The following AIFM1 variants were observed in gnomAD, a reference collection of about 807,000 sequenced individuals.
The protein encoded by AIFM1 is apoptosis-inducing factor 1, mitochondrial.
In AIFM1, 3 loss-of-function variants were observed where a neutral mutation model predicts 51.7. The observed-to-expected ratio is 0.06, with a 90% CI of 0.03 to 0.15. The LOEUF (loss-of-function observed/expected upper bound fraction) is 0.15, where lower values mean the gene tolerates loss of function less well. AIFM1 is among the 10% of genes least tolerant of loss of function. AIFM1 has a pLI of 1.00. For missense variants in AIFM1, 330 were observed against 476.8 expected, an observed-to-expected ratio of 0.69 and a Z score of 2.87; for synonymous variants, 178 against 179.4, an observed-to-expected ratio of 0.99 and a Z score of 0.06.
intron 6 of AIFM1, among the ~76,000 whole-genome samples, chrX:130,142,183 TG>T (rs1439287217): frequency 4.5e-5 from 5 of 112,025 alleles, no homozygotes; most frequent in Admixed American, 9.5e-5. Context: ...ACAAATGTGA[TG>T]TAAGTGGTAA....
intron 13 of AIFM1, among the ~76,000 whole-genome samples, chrX:130,132,378 C>T (rs1434553249): frequency 6.2e-5 from 7 of 112,345 alleles, no homozygotes; most frequent in Non-Finnish European, 1.3e-4. Context: ...GTGCTTTTAT[C>T]CCATGCCACA....
intron 6 of AIFM1, among the ~76,000 whole-genome samples, chrX:130,141,347 T>C (rs1354710808): frequency 9.0e-6 from 1 of 111,603 alleles, no homozygotes; most frequent in African/African-American, 3.3e-5. Flanking sequence ...GAGCAAGTCA[T>C]GACAGTCCCA....
At chrX:130,145,666 T>C in intron 5 of AIFM1, 97 bp from the exon 6 acceptor site, 7 of 681,872 alleles carry the variant, frequency 1.0e-5, no homozygotes, top group Non-Finnish European at 1.4e-5. Context: ...TCAGAAACTT[T>C]AAGGGACGTT....
At chrX:130,149,295 C>T (rs1320362702) in intron 3 of AIFM1, among the ~76,000 whole-genome samples, 174 bp downstream of exon 3, 2 of 111,947 alleles carry the variant, frequency 1.8e-5, no homozygotes, top group Non-Finnish European at 3.8e-5. Flanking sequence ...ACCCAAATTT[C>T]AGCCAAATGC....
intron 3 of AIFM1, 90 bp from the exon 4 acceptor site, chrX:130,147,966 T>C: frequency 3.6e-6 from 4 of 1,103,728 alleles, no homozygotes; most frequent in Non-Finnish European, 5.0e-6. Flanking sequence ...TGCACTTGTC[T>C]CAATCCTCCA....
At chrX:130,157,080 T>G (rs1371593192) in intron 1 of AIFM1, among the ~76,000 whole-genome samples, 1 of 111,556 alleles carries the variant, frequency 9.0e-6, no homozygotes, top group Non-Finnish European at 1.9e-5. Flanking sequence ...GCATGAAAGG[T>G]AATGTGTCCT....
intron 2 of AIFM1, among the ~76,000 whole-genome samples, chrX:130,152,336 A>G (rs1451741054): frequency 1.8e-5 from 2 of 110,824 alleles, no homozygotes; most frequent in Non-Finnish European, 3.8e-5. Context: ...GGCAAGAATG[A>G]GGTCGATCTG....
At chrX:130,148,004 C>G in intron 3 of AIFM1, 128 bp from the exon 4 acceptor site, 1 of 852,860 alleles carries the variant, frequency 1.2e-6, no homozygotes, top group Middle Eastern at 2.9e-4. Context: ...ATATGACCTA[C>G]GCTAATCTTA....
chrX:130,155,973 T>C (rs113091660), intron 2 of AIFM1, among the ~76,000 whole-genome samples: 4 of 112,486 alleles, frequency 3.6e-5, no homozygotes, highest in African/African-American at 1.3e-4. Flanking sequence ...TAATTTAGTC[T>C]TTGGGTAAGA....
At position 130,157,343 on chromosome X, in the gene AIFM1, T is replaced by C. The variant is rs764785867; in HGVS notation, c.107-740A>G. ...TGTACATAGAAATATAAGAGTTCTG[T>C]AGATTTCTTTTTCTAGGGAGACGCT... On this transcript the variant is annotated intron_variant, in intron 1 of 15. Transcript: ENST00000287295. Among the ~76,000 whole-genome samples, 195 of 112,343 alleles carry C rather than the reference T, an allele frequency of 1.7e-3. 1 individual carries two copies. Among genetic ancestry groups the C allele is most frequent in the African/African-American group, 6.1e-3 (188 of 30,933 alleles).
At chrX:130,157,067 C>T (rs1300519909) in intron 1 of AIFM1, among the ~76,000 whole-genome samples, 1 of 111,622 alleles carries the variant, frequency 9.0e-6, no homozygotes, top group Non-Finnish European at 1.9e-5. Context: ...ACAGTTCAAT[C>T]TTGCATGAAA....
Position 130,138,688 on chromosome X carries a change from C to T in AIFM1, c.872G>A (p.Arg291Lys), listed in dbSNP as rs1569418090. The T allele has an allele frequency of 8.4e-7, 1 of 1,196,951 alleles. No homozygotes were observed. The change falls in exon 9 of 16, where the codon AGA becomes AAA. Residue 291 changes from arginine to lysine, a missense_variant. Coordinates refer to ENST00000287295, the MANE Select transcript of AIFM1 (RefSeq NM_004208.4). ...TTCCCGTGAAATCTTCTCCAAGCTT[C>T]TAAAGTCTCCAATCTGCAGGATCAC... ...TTLFRKIGDF[R>K]SLEKISREVK...
At chrX:130,159,787 T>C (rs396278) in intron 1 of AIFM1, among the ~76,000 whole-genome samples, 49,354 of 104,077 alleles carry the variant, frequency 0.47, 9,821 homozygotes, top group African/African-American at 0.66. Context: ...TTGTCTCAAT[T>C]TGCCAAAAAA....
chrX:130,140,666 T>G, intron 6 of AIFM1, 49 bp from the exon 7 acceptor site: 1 of 988,024 alleles, frequency 1.0e-6, no homozygotes. Context: ...GAATTAGCAT[T>G]GAAAAAGTTT....
intron 9 of AIFM1, among the ~76,000 whole-genome samples, chrX:130,138,218 C>T (rs2030433792): frequency 8.9e-6 from 1 of 111,967 alleles, no homozygotes; most frequent in African/African-American, 3.2e-5. Flanking sequence ...GTAATCCCAG[C>T]ACTTTGGGAG....
At chrX:130,137,913 T>C (rs1351640023) in intron 9 of AIFM1, 2 of 218,331 alleles carry the variant, frequency 9.2e-6, no homozygotes, top group Non-Finnish European at 1.4e-5. Flanking sequence ...AAATACAAAA[T>C]TAGCCAGGTG....
chrX:130,131,668 T>G lies in AIFM1; in HGVS notation c.1573+7A>C. The G allele has an allele frequency of 8.3e-7, 1 of 1,211,926 alleles. No individual in the cohort carries two copies. Among genetic ancestry groups the G allele is most frequent in the Non-Finnish European group, 1.1e-6 (1 of 895,490 alleles). ...ACTCTCCAAGAGGAGTGCTAGGACT[T>G]TCTTACCTGACTGCTCTGTGGCAGA... On this transcript the variant is annotated splice_region_variant and intron_variant, in intron 14 of 15. Coordinates refer to ENST00000287295, the MANE Select transcript of AIFM1 (RefSeq NM_004208.4).
chrX:130,153,994 T>C (rs1420452842), intron 2 of AIFM1, among the ~76,000 whole-genome samples: 1 of 112,552 alleles, frequency 8.9e-6, no homozygotes, highest in Admixed American at 9.4e-5. Context: ...CTCTTGAGAC[T>C]AATACCAATT....
chrX:130,162,695 T>A (rs752407189), intron 1 of AIFM1, among the ~76,000 whole-genome samples: 9 of 111,951 alleles, frequency 8.0e-5, no homozygotes, highest in African/African-American at 1.9e-4. Flanking sequence ...CTCAGTTTCC[T>A]TTTTAAAGAG....
Sources: allele counts gnomAD v4.1 joint callset (sites outside exome capture counted in the v4.1 genomes callset), GRCh38; gene constraint gnomAD v4.1.1; transcripts MANE v1.5; gene names NCBI Gene and HGNC (gene_info 2026-07-23, HGNC 2026-07-21).